Variants in TMPRSS9 observed in about 807,000 individuals in gnomAD.
TMPRSS9 encodes the protein transmembrane protease serine 9.
Under a neutral mutation model 111.4 loss-of-function variants are expected in TMPRSS9, and 113 were observed. That is an observed-to-expected ratio of 1.01 (90% confidence interval 0.87 to 1.19). The LOEUF is 1.19. Among genes scored for constraint, TMPRSS9 ranks in the 50% most tolerant of loss-of-function variants. The probability of loss-of-function intolerance (pLI) is 0.00; values close to 1 mark genes in which losing one functional copy is unlikely to be tolerated. For synonymous variants in TMPRSS9, 805 were observed against 659.1 expected (o/e 1.22, Z -3.39); for missense variants, 1,803 against 1,513.1 (o/e 1.19, Z -3.18).
At chr19:2,401,194 A>C (rs920449942) in intron 4 of TMPRSS9, among the ~76,000 whole-genome samples, 1 of 152,098 alleles carries the variant, frequency 6.6e-6, no homozygotes, top group African/African-American at 2.4e-5. Context: ...GAATAGCGTG[A>C]ACCCGGGAGG....
chr19:2,394,796 C>T (rs1353626324), intron 1 of TMPRSS9, among the ~76,000 whole-genome samples: 2 of 149,666 alleles, frequency 1.3e-5, no homozygotes, highest in East Asian at 2.0e-4. Context: ...ATTTTTTTTG[C>T]GCTGGTGTGC....
In TMPRSS9 at chr19:2,371,895, G is replaced by A. The variant is rs139225511; in HGVS notation, c.-26+11535G>A. Among the ~76,000 whole-genome samples the A allele has an allele frequency of 1.1e-4, 17 of 152,238 alleles. 1 individual carries two copies. The East Asian group carries it at 3.3e-3, about 29-fold the overall frequency. On this transcript the variant is annotated intron_variant, in intron 1 of 17. Transcript: ENST00000649857. ...GATGCCGAGAGAGTGGCGTCTGTTG[G>A]GCTGGAGGCTGGTCGAGCCACAGGC... is the stretch of plus-strand genomic sequence containing the variant.
intron 6 of TMPRSS9, among the ~76,000 whole-genome samples, chr19:2,404,660 G>A (rs765199815): frequency 1.2e-4 from 18 of 152,006 alleles, no homozygotes; most frequent in Non-Finnish European, 2.5e-4. Flanking sequence ...GCCTGATGCC[G>A]TGGCTCAGGC....
At chr19:2,361,764 G>A (rs1232743283) in intron 1 of TMPRSS9, among the ~76,000 whole-genome samples, 3 of 152,200 alleles carry the variant, frequency 2.0e-5, no homozygotes, top group Non-Finnish European at 4.4e-5. Context: ...CCAGGCATGG[G>A]CTCCAGAGGT....
At chr19:2,415,985 G>A in intron 11 of TMPRSS9, 144 bp downstream of exon 12, 3 of 1,026,366 alleles carry the variant, frequency 2.9e-6, no homozygotes, top group Non-Finnish European at 4.0e-6. Flanking sequence ...AGAGACAGGA[G>A]GGAGCCGGTG....
chr19:2,393,470 C>T (rs113503279), intron 1 of TMPRSS9, among the ~76,000 whole-genome samples: 5 of 152,244 alleles, frequency 3.3e-5, no homozygotes, highest in Non-Finnish European at 4.4e-5. Context: ...GAACAAACTC[C>T]GGACACACCA....
chr19:2,391,875 G>T (rs1970605668), intron 1 of TMPRSS9, among the ~76,000 whole-genome samples: 1 of 151,762 alleles, frequency 6.6e-6, no homozygotes, highest in African/African-American at 2.4e-5. Flanking sequence ...CTGGGTAGCT[G>T]AGATTACAGG....
chr19:2,385,871 C>G (rs1191979293), upstream of TMPRSS9, among the ~76,000 whole-genome samples: 1 of 151,832 alleles, frequency 6.6e-6, no homozygotes, highest in Non-Finnish European at 1.5e-5. Context: ...AAAAAGATTA[C>G]GTATCTATTC....
In TMPRSS9 at chr19:2,421,880, C is replaced by T. The variant is rs767078582; in HGVS notation, c.2181C>T (p.Cys727=). 1.3e-5 allele frequency: 21 copies of T among 1,608,812 alleles called. No individual in the cohort carries two copies. In the South Asian group the frequency reaches 1.5e-4, roughly 12 times the overall value. The change falls in exon 14 of 18, where the codon TGC becomes TGT. Residue 727 remains cysteine, a synonymous_variant. Coordinates refer to ENST00000648592, the Ensembl canonical transcript of TMPRSS9. ...GTGACTCTGGGGGCCCCCTGGCCTG[C>T]GAGGAGGCCCCTGGCGTGTTTTATC... is the stretch of plus-strand genomic sequence containing the variant.
intron 4 of TMPRSS9, among the ~76,000 whole-genome samples, chr19:2,401,260 G>A (rs971655275): frequency 2.0e-5 from 3 of 151,744 alleles, no homozygotes; most frequent in Non-Finnish European, 4.4e-5. Context: ...GGCGACAGAG[G>A]GAGACTCCGT....
intron 14 of TMPRSS9, 148 bp downstream of exon 15, chr19:2,422,395 C>T (rs747926154): frequency 5.0e-5 from 51 of 1,018,368 alleles, no homozygotes; most frequent in Non-Finnish European, 4.5e-5. Context: ...CTGGCGAACA[C>T]GGTGAAACCT....
chr19:2,426,016 GCC>G lies in TMPRSS9; in HGVS notation c.3213_3214del (p.His1072LeufsTer26). The stretch of plus-strand genomic sequence containing the variant: ...CTAGCTGGGGCTATGGCTGTGGCCG[GCC>G]CCACTTCCCAGGTGTCTATACCCGG... On this transcript the variant is annotated frameshift_variant, in exon 18 of 18. Coordinates refer to ENST00000648592, the Ensembl canonical transcript of TMPRSS9. LOFTEE classifies it high-confidence loss of function. The G allele has an allele frequency of 6.2e-7, 1 of 1,607,962 alleles. No homozygotes were observed. The highest frequency in any genetic ancestry group is 8.5e-7 in the Non-Finnish European group (1 of 1,177,968).
chr19:2,396,762 C>G, intron 2 of TMPRSS9, 96 bp downstream of exon 3: 1 of 1,471,864 alleles, frequency 6.8e-7, no homozygotes, highest in Non-Finnish European at 9.1e-7. Flanking sequence ...AGGCAGGCCA[C>G]AGGCAACGAA....
intron 1 of TMPRSS9, among the ~76,000 whole-genome samples, chr19:2,381,022 A>C (rs1346295690): frequency 6.6e-6 from 1 of 151,970 alleles, no homozygotes; most frequent in Non-Finnish European, 1.5e-5. Context: ...ACAGATTCAA[A>C]GTTTCTGGTT....
chr19:2,395,618 G>A lies in TMPRSS9; in HGVS notation c.143-921G>A, dbSNP rs575517830. ...TCTCAGCTACTCCGGAGGCTGAGGC[G>A]GCAGGAGAATTGCTTGAACCCGGGA... On this transcript the variant is annotated intron_variant, in intron 1 of 17. Transcript: ENST00000648592. Among the ~76,000 whole-genome samples, 5 of 151,996 alleles carry A rather than the reference G, an allele frequency of 3.3e-5. No homozygotes were observed. In the South Asian group the frequency reaches 6.2e-4, roughly 19 times the overall value.
At chr19:2,418,116 A>T (rs749545843) in exon 13 of TMPRSS9, 1 of 1,612,042 alleles carries the variant, frequency 6.2e-7, no homozygotes, top group Non-Finnish European at 8.5e-7. Context: ...GGCTTCCTGG[A>T]AGGCAAAGTC....
At chr19:2,409,910 T>C (rs976214932) in intron 8 of TMPRSS9, among the ~76,000 whole-genome samples, 2 of 151,734 alleles carry the variant, frequency 1.3e-5, no homozygotes, top group African/African-American at 4.8e-5. Flanking sequence ...CTGTGTATAT[T>C]TGGGGGCTGA....
intron 1 of TMPRSS9, among the ~76,000 whole-genome samples, chr19:2,378,119 A>G (rs1041992747): frequency 1.3e-5 from 2 of 152,096 alleles, no homozygotes; most frequent in Non-Finnish European, 2.9e-5. Flanking sequence ...GCCTCAAGCA[A>G]TTCTCTTGCC....
At chr19:2,387,997 G>C (rs1254127716), upstream of TMPRSS9, among the ~76,000 whole-genome samples, 4 of 152,188 alleles carry the variant, frequency 2.6e-5, no homozygotes, top group African/African-American at 9.6e-5. Context: ...GGAATGACTG[G>C]ATTAGGAATC....
Sources: gnomAD v4.1 joint callset for allele counts (sites outside exome capture counted in the v4.1 genomes callset) on GRCh38, gnomAD v4.1.1 for gene constraint, MANE v1.5 for transcripts, NCBI Gene and HGNC (gene_info 2026-07-23, HGNC 2026-07-21) for gene names.